The following AGAP1 variants were observed in gnomAD, a reference collection of about 807,000 sequenced individuals.
AGAP1 encodes ArfGAP with GTPase domain, ankyrin repeat and PH domain 1, also known as arf-GAP with GTPase, ANK repeat and PH domain-containing protein 1.
In AGAP1, 29 loss-of-function variants were observed where a neutral mutation model predicts 105.3. The ratio of observed to expected loss-of-function variants is 0.28; its 90% CI spans 0.21 to 0.38. AGAP1 has a LOEUF of 0.38. Ranked by LOEUF, AGAP1 falls within the 10% of genes least tolerant of loss-of-function variation. The pLI is 1.00. For synonymous variants in AGAP1, 509 were observed against 485.9 expected, an observed-to-expected ratio of 1.05 and a Z score of -0.63; for missense variants, 998 against 1,165.1, an observed-to-expected ratio of 0.86 and a Z score of 2.09.
chr2:235,554,324 T>G (rs1440334388), intron 1 of AGAP1, among the ~76,000 whole-genome samples: 1 of 152,238 alleles, frequency 6.6e-6, no homozygotes, highest in Non-Finnish European at 1.5e-5. Context: ...TGCATGTGAC[T>G]GGGCCAAGTG....
intron 6 of AGAP1, among the ~76,000 whole-genome samples, chr2:235,765,224 G>C (rs1446854587): frequency 9.0e-6 from 1 of 111,238 alleles, no homozygotes; most frequent in African/African-American, 3.6e-5. Flanking sequence ...TGGGGTTGGG[G>C]GTATCTGGGA....
rs966362794 is a variant in AGAP1, at chr2:235,599,706, A to G, written c.163+104857A>G. Reference sequence around the variant, plus strand: ...CCACTTGCCCAGCGTCACTTCCTCCAGTGCCCTTTCTGGGTCCCACGTGAT... The same window carrying G: ...CCACTTGCCCAGCGTCACTTCCTCCGGTGCCCTTTCTGGGTCCCACGTGAT... On this transcript the variant is annotated intron_variant, in intron 1 of 17. Coordinates refer to ENST00000304032, the MANE Select transcript of AGAP1 (RefSeq NM_001037131.3). The surrounding 1 kb of genome is among the most constrained non-coding windows in gnomAD (Gnocchi z 5.3). 2.6e-5 allele frequency among the ~76,000 whole-genome samples: 4 copies of G among 152,038 alleles called. No individual in the cohort carries two copies. Among genetic ancestry groups the G allele is most frequent in the Non-Finnish European group, 5.9e-5 (4 of 68,002 alleles).
intron 6 of AGAP1, among the ~76,000 whole-genome samples, chr2:235,768,969 T>A (rs1330351628): frequency 6.6e-6 from 1 of 152,200 alleles, no homozygotes; most frequent in Non-Finnish European, 1.5e-5. Context: ...GGATTCCTGA[T>A]GACAGACCTT....
chr2:235,972,430 T>C (rs1313578323), intron 13 of AGAP1, among the ~76,000 whole-genome samples: 1 of 152,168 alleles, frequency 6.6e-6, no homozygotes, highest in East Asian at 1.9e-4. Flanking sequence ...GCTCCCCGGC[T>C]GGTTCGCCGA....
rs141534872 is a variant in AGAP1 at position 235,736,474 on chromosome 2, C to T, written c.311-4489C>T. On this transcript the variant is annotated intron_variant, in intron 3 of 17. Transcript: ENST00000304032. The surrounding 1 kb of genome is among the most constrained non-coding windows in gnomAD (Gnocchi z 5.5). The stretch of plus-strand genomic sequence containing the variant: ...TGTGCACCAGGTGCTGGGAGGATAC[C>T]GGTGGGCGAACCAGACCTGCAGGAA... 6.1e-3 allele frequency among the ~76,000 whole-genome samples: 927 copies of T among 152,184 alleles called. 9 individuals are homozygous for T. The highest frequency in any genetic ancestry group is 0.031 in the South Asian group (147 of 4,808).
chr2:235,630,309 G>T (rs1946785529), intron 1 of AGAP1, among the ~76,000 whole-genome samples: 1 of 152,018 alleles, frequency 6.6e-6, no homozygotes, highest in Admixed American at 6.6e-5. Flanking sequence ...TGCTTCCCGG[G>T]TTCATCCAAT....
intron 6 of AGAP1, among the ~76,000 whole-genome samples, chr2:235,781,913 G>T (rs754561843): frequency 5.3e-5 from 8 of 152,180 alleles, no homozygotes; most frequent in Non-Finnish European, 1.2e-4. Context: ...AATCAAGGAA[G>T]CTTGAAGCTA....
At chr2:235,821,802 T>G (rs1302446398) in intron 9 of AGAP1, among the ~76,000 whole-genome samples, 4 of 152,370 alleles carry the variant, frequency 2.6e-5, no homozygotes, top group Non-Finnish European at 5.9e-5. Context: ...CTTAATTGCT[T>G]TATTTATTTT....
rs1033270064 is a variant in AGAP1 at position 236,027,074 on chromosome 2, A to G, written c.1646-9487A>G. Among the ~76,000 whole-genome samples the G allele has an allele frequency of 2.0e-5, 3 of 152,224 alleles. No homozygotes were observed. Among genetic ancestry groups the G allele is most frequent in the Non-Finnish European group, 4.4e-5 (3 of 68,036 alleles). On this transcript the variant is annotated intron_variant, in intron 13 of 17. Coordinates refer to ENST00000304032, the MANE Select transcript of AGAP1 (RefSeq NM_001037131.3). This position sits in a 1 kb window ranked among gnomAD's most constrained non-coding sequence, Gnocchi z 4.4. ...TTCTATGTTTATTACTCCATGCAGT[A>G]GATTTGTTATGGATAAACAGATTTC...
chr2:236,078,476 C>G lies in AGAP1; in HGVS notation c.2114+29195C>G, dbSNP rs914388927. Among the ~76,000 whole-genome samples, 3 of 152,158 alleles carry G rather than the reference C, an allele frequency of 2.0e-5. No homozygotes were observed. The highest frequency in any genetic ancestry group is 4.8e-5 in the African/African-American group (2 of 41,438). On this transcript the variant is annotated intron_variant, in intron 16 of 17. Transcript: ENST00000304032. The surrounding 1 kb of genome is among the most constrained non-coding windows in gnomAD (Gnocchi z 5.3). ...GGCCAGGTTGACATGTGAAACTGATCATGAGTCATCCTGCTATGACTTTAA... is the reference window on the plus strand; with the variant it reads ...GGCCAGGTTGACATGTGAAACTGATGATGAGTCATCCTGCTATGACTTTAA...
intron 16 of AGAP1, among the ~76,000 whole-genome samples, chr2:236,081,177 T>A (rs1016996153): frequency 2.6e-5 from 4 of 152,100 alleles, no homozygotes; most frequent in Non-Finnish European, 4.4e-5. Context: ...GACAGAGTTG[T>A]CTGTTGGAAG....
At chr2:236,021,728 TC>T (rs111678351) in intron 13 of AGAP1, among the ~76,000 whole-genome samples, 22 of 152,200 alleles carry the variant, frequency 1.4e-4, no homozygotes, top group East Asian at 3.9e-4. Context: ...TATTTTTTTT[TC>T]CCCAAGAGCT....
At chr2:235,782,255 C>G (rs952831953) in intron 6 of AGAP1, among the ~76,000 whole-genome samples, 10 of 113,664 alleles carry the variant, frequency 8.8e-5, no homozygotes, top group Admixed American at 8.1e-4. Flanking sequence ...CACTCCTGCC[C>G]ATTTTTTTTT....
intron 15 of AGAP1, among the ~76,000 whole-genome samples, chr2:236,043,424 C>A (rs955440173): frequency 6.6e-6 from 1 of 152,108 alleles, no homozygotes; most frequent in Non-Finnish European, 1.5e-5. Flanking sequence ...CTTTAAAAAT[C>A]ATGGAAAAAG....
In AGAP1 at chr2:235,774,048, G is replaced by A. The variant is rs115893685; in HGVS notation, c.673+23560G>A. On this transcript the variant is annotated intron_variant, in intron 6 of 17. Coordinates refer to ENST00000304032, the MANE Select transcript of AGAP1 (RefSeq NM_001037131.3). ...CAATTACTACTACTATTATGACTAC[G>A]ATGAACAAAAGTTAAATTTCTTAAT... is the stretch of plus-strand genomic sequence containing the variant. The A allele has an allele frequency of 1.4e-3, 635 of 443,006 alleles. 2 individuals carry two copies. Among genetic ancestry groups the A allele is most frequent in the African/African-American group, 0.012 (592 of 48,306 alleles). 27.4% of individuals were successfully genotyped at this position (443,006 alleles called of 1,614,324 possible). A position where few individuals can be genotyped will look rare whatever the true frequency, so the allele number is the denominator to read the frequency against.
chr2:236,047,528 C>T (rs2057757640), intron 15 of AGAP1, among the ~76,000 whole-genome samples: 1 of 148,680 alleles, frequency 6.7e-6, no homozygotes, highest in Non-Finnish European at 1.5e-5. Context: ...GGGTTTTTTT[C>T]ATTTGATGCA....
chr2:236,108,587 A>G (rs1175776699), intron 16 of AGAP1, among the ~76,000 whole-genome samples: 5 of 152,128 alleles, frequency 3.3e-5, no homozygotes, highest in Non-Finnish European at 7.4e-5. Context: ...CACAGACGCA[A>G]ATTCTTCTTT....
At chr2:235,937,267 C>A (rs2053038249) in intron 12 of AGAP1, among the ~76,000 whole-genome samples, 1 of 152,198 alleles carries the variant, frequency 6.6e-6, no homozygotes, top group Non-Finnish European at 1.5e-5. Context: ...AAAAGGCTGA[C>A]CCCGCTCCCT....
At chr2:235,937,109 G>T (rs2053027834) in intron 12 of AGAP1, among the ~76,000 whole-genome samples, 1 of 152,182 alleles carries the variant, frequency 6.6e-6, no homozygotes. Context: ...AATCTTGGCT[G>T]GCATTCAAAA....
Sources: allele counts gnomAD v4.1 joint callset (sites outside exome capture counted in the v4.1 genomes callset), GRCh38; gene constraint gnomAD v4.1.1; non-coding constraint Gnocchi (gnomAD v3.1); transcripts MANE v1.5; gene names NCBI Gene and HGNC (gene_info 2026-07-23, HGNC 2026-07-21).